CNTNAP5: variants seen among roughly 807,000 people sequenced by gnomAD.
CNTNAP5 encodes the protein contactin-associated protein-like 5.
In CNTNAP5, 72 loss-of-function variants were observed where a neutral mutation model predicts 150.2. The ratio of observed to expected loss-of-function variants is 0.48; its 90% CI spans 0.40 to 0.58. The LOEUF (loss-of-function observed/expected upper bound fraction) is 0.58. Ranked by LOEUF, CNTNAP5 falls within the 20% of genes least tolerant of loss-of-function variation. The pLI, the probability that CNTNAP5 is intolerant of heterozygous loss-of-function variation, is 0.00. For synonymous variants in CNTNAP5, 672 were observed against 619.8 expected, an observed-to-expected ratio of 1.08 and a Z score of -1.25; for missense variants, 1,636 against 1,626.2, an observed-to-expected ratio of 1.01 and a Z score of -0.10.
In CNTNAP5 at chr2:124,493,215, G is replaced by A. The variant is rs12470766; in HGVS notation, c.1063-11077G>A. ...ACTTTTGTCAAATATTCTTTTCTGC[G>A]TCTATCAAGATGATCGTAAGATTTT... On this transcript the variant is annotated intron_variant, in intron 7 of 23. Coordinates refer to ENST00000682447, the MANE Select transcript of CNTNAP5 (RefSeq NM_001367498.1). 6.8e-3 allele frequency among the ~76,000 whole-genome samples: 1,039 copies of A among 151,936 alleles called. 44 individuals carry two copies. The East Asian group carries it at 0.12, about 17-fold the overall frequency.
rs779303965 is a variant in CNTNAP5, at chr2:124,764,043, C to T, written c.2429C>T (p.Ala810Val). ...ASYLHFPTFH[A>V]EFSADISFFF... ...TACCTCCACTTTCCTACCTTCCATG[C>T]GGAATTCAGTGCCGATATTTCCTTC... The change falls in exon 16 of 24, where the codon GCG becomes GTG. Residue 810 changes from alanine (A) to valine (V), a missense_variant. By Grantham distance (64) the Ala-to-Val change is moderately conservative. Coordinates refer to ENST00000682447, the MANE Select transcript of CNTNAP5 (RefSeq NM_001367498.1). The T allele has an allele frequency of 2.6e-5, 42 of 1,612,942 alleles. No individual in the cohort carries two copies. The highest frequency in any genetic ancestry group is 3.4e-5 in the Non-Finnish European group (40 of 1,179,212).
In CNTNAP5 at chr2:124,415,915, C is replaced by A. The variant is rs371864840; in HGVS notation, c.382-1528C>A. Among the ~76,000 whole-genome samples the A allele has an allele frequency of 7.3e-3, 1,115 of 152,052 alleles. 2 individuals carry two copies. The highest frequency in any genetic ancestry group is 8.7e-3 in the Non-Finnish European group (592 of 67,980). On this transcript the variant is annotated intron_variant, in intron 3 of 23. Coordinates refer to ENST00000682447, the MANE Select transcript of CNTNAP5 (RefSeq NM_001367498.1). ...TGGATTTCATCTTCAGCAAAAAAAA[C>A]CCCCCAATAATTTTCAGGGAAAATG... is the stretch of plus-strand genomic sequence containing the variant.
rs149334146 is a variant in CNTNAP5, at chr2:124,735,487, T to C, written c.2078-11742T>C. ...TTAGATAAATCAATAGATAGACTAA[T>C]ACAGTTGGAAAGACAATATATTTGG... On this transcript the variant is annotated intron_variant, in intron 13 of 23. Transcript: ENST00000682447. Among the ~76,000 whole-genome samples the C allele has an allele frequency of 1.4e-4, 22 of 152,212 alleles. No individual in the cohort carries two copies. In the East Asian group the frequency reaches 3.9e-3, roughly 27 times the overall value.
At chr2:124,290,817 C>T (rs1688268701) in intron 3 of CNTNAP5, among the ~76,000 whole-genome samples, 1 of 152,142 alleles carries the variant, frequency 6.6e-6, no homozygotes, top group African/African-American at 2.4e-5. Flanking sequence ...GATTTCAACT[C>T]TTACTCACCA....
intron 6 of CNTNAP5, among the ~76,000 whole-genome samples, chr2:124,463,467 A>G (rs1295248827): frequency 6.6e-6 from 1 of 152,190 alleles, no homozygotes; most frequent in African/African-American, 2.4e-5. Context: ...ACCTGATGGT[A>G]GTTTGAGAAT....
chr2:124,701,780 T>C (rs1009865284), intron 13 of CNTNAP5, among the ~76,000 whole-genome samples: 2 of 152,274 alleles, frequency 1.3e-5, no homozygotes, highest in Non-Finnish European at 2.9e-5. Flanking sequence ...GCTGAGCACC[T>C]TTACATATGC....
intron 11 of CNTNAP5, among the ~76,000 whole-genome samples, chr2:124,579,286 G>T (rs1446438217): frequency 6.6e-6 from 1 of 152,172 alleles, no homozygotes; most frequent in East Asian, 1.9e-4. Flanking sequence ...AGATTCTATT[G>T]TAAAGGATAT....
At chr2:124,831,504 AT>A (rs1682715886) in intron 19 of CNTNAP5, among the ~76,000 whole-genome samples, 2 of 150,978 alleles carry the variant, frequency 1.3e-5, no homozygotes, top group South Asian at 4.2e-4. Context: ...CTTTTCTTAT[AT>A]TTTTCCATCA....
intron 13 of CNTNAP5, among the ~76,000 whole-genome samples, chr2:124,728,236 T>C (rs77319206): frequency 2.0e-5 from 3 of 152,090 alleles, no homozygotes; most frequent in Admixed American, 2.0e-4. Flanking sequence ...TCATCAGCGA[T>C]GTTGGCTGCA....
chr2:124,711,886 G>A (rs1679815821), intron 13 of CNTNAP5, among the ~76,000 whole-genome samples: 1 of 152,106 alleles, frequency 6.6e-6, no homozygotes, highest in Non-Finnish European at 1.5e-5. Flanking sequence ...TTCTAGTATT[G>A]TTTAATTCAG....
intron 2 of CNTNAP5, 80 bp downstream of exon 2, chr2:124,221,889 A>C: frequency 8.1e-6 from 7 of 866,278 alleles, no homozygotes; most frequent in African/African-American, 3.3e-5. Flanking sequence ...GAGCACTCTC[A>C]GACACTGAAA....
At chr2:124,058,103 A>T (rs1384497327) in intron 1 of CNTNAP5, among the ~76,000 whole-genome samples, 2 of 152,272 alleles carry the variant, frequency 1.3e-5, no homozygotes, top group Admixed American at 1.3e-4. Context: ...CTGAAACTAC[A>T]TGGAAGTGAA....
chr2:124,454,074 G>A lies in CNTNAP5; in HGVS notation c.918+7137G>A, dbSNP rs544975392. On this transcript the variant is annotated intron_variant, in intron 6 of 23. Transcript: ENST00000682447. ...TCAAAACTAACATTGAATATAAATG[G>A]CCTAAATGCTCCACTTAAAAGATAC... is the stretch of plus-strand genomic sequence containing the variant. 5.1e-4 allele frequency among the ~76,000 whole-genome samples: 77 copies of A among 152,190 alleles called. 2 individuals are homozygous for A. The highest frequency in any genetic ancestry group is 1.7e-3 in the African/African-American group (72 of 41,526).
At chr2:124,440,662 T>C (rs1310744586) in intron 5 of CNTNAP5, among the ~76,000 whole-genome samples, 1 of 152,152 alleles carries the variant, frequency 6.6e-6, no homozygotes, top group Non-Finnish European at 1.5e-5. Flanking sequence ...CCTATAAAAA[T>C]TGTTATATTT....
intron 3 of CNTNAP5, among the ~76,000 whole-genome samples, chr2:124,279,503 G>A (rs2104621275): frequency 6.6e-6 from 1 of 151,876 alleles, no homozygotes; most frequent in South Asian, 2.1e-4. Context: ...CTGTGCTAAA[G>A]GCCCTCAAAC....
rs932989230 is a variant in CNTNAP5 at position 124,611,919 on chromosome 2, A to AT, written c.1876+2007dup. On this transcript the variant is annotated intron_variant, in intron 12 of 23. Coordinates refer to ENST00000682447, the MANE Select transcript of CNTNAP5 (RefSeq NM_001367498.1). ...CTCACAACAAAAATCAGAGGCAGACATTTTTTTTATCTCCATCTAACGTAG... is the reference window on the plus strand; with the variant it reads ...CTCACAACAAAAATCAGAGGCAGACATTTTTTTTTATCTCCATCTAACGTAG... Among the ~76,000 whole-genome samples the AT allele has an allele frequency of 1.7e-4, 26 of 152,148 alleles. No homozygotes were observed. In the South Asian group the frequency reaches 2.3e-3, roughly 13 times the overall value.
chr2:124,782,993 C>A (rs1378710925), intron 17 of CNTNAP5, among the ~76,000 whole-genome samples: 2 of 152,108 alleles, frequency 1.3e-5, no homozygotes, highest in African/African-American at 4.8e-5. Flanking sequence ...CAAATGTCAT[C>A]AATACAATGC....
intron 17 of CNTNAP5, among the ~76,000 whole-genome samples, chr2:124,780,571 A>C (rs1197831409): frequency 6.6e-6 from 1 of 152,214 alleles, no homozygotes; most frequent in East Asian, 1.9e-4. Context: ...TCAAATTACT[A>C]TATGGTTCAC....
At chr2:124,237,324 C>T (rs536817751) in intron 2 of CNTNAP5, among the ~76,000 whole-genome samples, 160 of 152,206 alleles carry the variant, frequency 1.1e-3, no homozygotes, top group South Asian at 1.9e-3. Context: ...TGGCATCAAT[C>T]ACTTCTCATT....
Sources: gnomAD v4.1 joint callset for allele counts (sites outside exome capture counted in the v4.1 genomes callset) on GRCh38, gnomAD v4.1.1 for gene constraint, MANE v1.5 for transcripts, NCBI Gene and HGNC (gene_info 2026-07-23, HGNC 2026-07-21) for gene names.